The following CNTN4 variants were observed in gnomAD, a reference collection of about 807,000 sequenced individuals.
The protein encoded by CNTN4 is contactin-4.
In CNTN4, 77 loss-of-function variants were observed where a neutral mutation model predicts 122.5. That is an observed-to-expected ratio of 0.63 (90% confidence interval 0.52 to 0.76). CNTN4 has a LOEUF of 0.76. CNTN4 is among the 30% of genes least tolerant of loss of function. The probability of loss-of-function intolerance (pLI) is 0.00; values close to 1 mark genes in which losing one functional copy is unlikely to be tolerated. For synonymous variants in CNTN4, 512 were observed against 447.0 expected, an observed-to-expected ratio of 1.15 and a Z score of -1.83; for missense variants, 1,256 against 1,259.1, an observed-to-expected ratio of 1.00 and a Z score of 0.04.
intron 13 of CNTN4, among the ~76,000 whole-genome samples, chr3:2,941,893 C>A (rs2094619685): frequency 6.6e-6 from 1 of 152,202 alleles, no homozygotes; most frequent in Admixed American, 6.5e-5. Flanking sequence ...AACTGCCTCT[C>A]CCTACCTGTA....
chr3:2,502,422 C>T (rs187331075), intron 3 of CNTN4, among the ~76,000 whole-genome samples: 164 of 152,216 alleles, frequency 1.1e-3, no homozygotes, highest in African/African-American at 3.7e-3. Flanking sequence ...CTTTCTTGCA[C>T]AATTCCAGGA....
intron 2 of CNTN4, among the ~76,000 whole-genome samples, chr3:2,295,683 T>C (rs1023194606): frequency 2.6e-5 from 4 of 152,224 alleles, no homozygotes; most frequent in Non-Finnish European, 5.9e-5. Flanking sequence ...TTAGTTTAAT[T>C]AGATCCCATT....
intron 2 of CNTN4, among the ~76,000 whole-genome samples, chr3:2,179,992 G>A (rs893034513): frequency 4.6e-5 from 7 of 151,618 alleles, no homozygotes; most frequent in Non-Finnish European, 7.4e-5. Context: ...TTTACTTATA[G>A]CACATCTCAA....
chr3:2,492,356 A>C (rs2076342327), intron 3 of CNTN4, among the ~76,000 whole-genome samples: 1 of 152,178 alleles, frequency 6.6e-6, no homozygotes, highest in Non-Finnish European at 1.5e-5. Flanking sequence ...TTTTGGGCTT[A>C]GTCCTGCAGG....
intron 23 of CNTN4, among the ~76,000 whole-genome samples, chr3:3,045,201 G>C (rs2125818786): frequency 6.6e-6 from 1 of 152,316 alleles, no homozygotes; most frequent in Middle Eastern, 3.4e-3. Flanking sequence ...TGCCCTCTGG[G>C]GGCAGGGCAT....
intron 4 of CNTN4, among the ~76,000 whole-genome samples, chr3:2,578,624 C>T (rs189833988): frequency 6.6e-6 from 1 of 152,178 alleles, no homozygotes; most frequent in East Asian, 1.9e-4. Context: ...CAATTAAGAC[C>T]AAAAGAGAGC....
chr3:2,286,943 C>G (rs1364810404), intron 2 of CNTN4, among the ~76,000 whole-genome samples: 1 of 152,154 alleles, frequency 6.6e-6, no homozygotes, highest in Non-Finnish European at 1.5e-5. Context: ...GATTGTACCC[C>G]TGAGATGGAT....
At chr3:2,850,726 A>T (rs2093535746) in intron 7 of CNTN4, among the ~76,000 whole-genome samples, 1 of 152,212 alleles carries the variant, frequency 6.6e-6, no homozygotes, top group African/African-American at 2.4e-5. Flanking sequence ...GGGAGAGAAA[A>T]GTCATTACCT....
chr3:2,739,565 T>C (rs1003693362), intron 5 of CNTN4, among the ~76,000 whole-genome samples: 15 of 151,898 alleles, frequency 9.9e-5, no homozygotes, highest in African/African-American at 3.6e-4. Context: ...TTGAAAGTGG[T>C]TGAGATGGAG....
intron 2 of CNTN4, among the ~76,000 whole-genome samples, chr3:2,259,540 G>T (rs146956508): frequency 6.6e-6 from 1 of 152,268 alleles, no homozygotes; most frequent in Admixed American, 6.5e-5. Context: ...ACAGTTCCAC[G>T]TGTCTGGAGA....
At chr3:2,402,743 G>A (rs1007412993) in intron 3 of CNTN4, among the ~76,000 whole-genome samples, 1 of 151,930 alleles carries the variant, frequency 6.6e-6, no homozygotes, top group African/African-American at 2.4e-5. Flanking sequence ...ATATCTACTA[G>A]TTTCTTATAA....
At chr3:2,168,561 A>G (rs985590565) in intron 2 of CNTN4, among the ~76,000 whole-genome samples, 2 of 152,056 alleles carry the variant, frequency 1.3e-5, no homozygotes, top group African/African-American at 4.8e-5. Flanking sequence ...ATGACATTAT[A>G]AAACAAAATA....
chr3:2,500,944 C>T (rs1376185649), intron 3 of CNTN4, among the ~76,000 whole-genome samples: 3 of 152,052 alleles, frequency 2.0e-5, no homozygotes, highest in African/African-American at 7.2e-5. Flanking sequence ...TTCCCCCCCG[C>T]ACAATGTATA....
intron 4 of CNTN4, among the ~76,000 whole-genome samples, chr3:2,576,075 T>C (rs7651241): frequency 0.13 from 19,417 of 152,016 alleles, 1,696 homozygotes; most frequent in Non-Finnish European, 0.18. Flanking sequence ...GACCTTGTGA[T>C]CTGCCCACCT....
At chr3:2,395,915 G>A (rs925551883) in intron 3 of CNTN4, among the ~76,000 whole-genome samples, 2 of 152,108 alleles carry the variant, frequency 1.3e-5, no homozygotes, top group African/African-American at 4.8e-5. Context: ...CTCTTGTGTT[G>A]AAGAAACTAC....
At chr3:2,706,926 T>G (rs187571000) in intron 4 of CNTN4, among the ~76,000 whole-genome samples, 32 of 152,216 alleles carry the variant, frequency 2.1e-4, no homozygotes, top group Admixed American at 5.9e-4. Context: ...GTTAACATTT[T>G]CAAAGTGCCC....
intron 13 of CNTN4, among the ~76,000 whole-genome samples, chr3:2,932,506 T>A (rs1317777358): frequency 6.6e-6 from 1 of 152,206 alleles, no homozygotes; most frequent in African/African-American, 2.4e-5. Context: ...TTCTGGAGGC[T>A]CTAGGGGAGA....
intron 14 of CNTN4, among the ~76,000 whole-genome samples, chr3:3,018,268 A>C (rs536117808): frequency 3.4e-4 from 51 of 152,206 alleles, no homozygotes; most frequent in Non-Finnish European, 5.0e-4. Flanking sequence ...TCAATGTTTA[A>C]ATTTTAGGGA....
intron 10 of CNTN4, among the ~76,000 whole-genome samples, chr3:2,891,594 A>G (rs1460749940): frequency 6.6e-6 from 1 of 152,192 alleles, no homozygotes; most frequent in East Asian, 1.9e-4. Context: ...CTAGGCTTTC[A>G]AGGGGAAGTG....
Sources: gnomAD v4.1 joint callset for allele counts (sites outside exome capture counted in the v4.1 genomes callset) on GRCh38, gnomAD v4.1.1 for gene constraint, MANE v1.5 for transcripts, NCBI Gene and HGNC (gene_info 2026-07-23, HGNC 2026-07-21) for gene names.